Variants in KLHL29 observed in about 807,000 individuals in gnomAD.
KLHL29 encodes kelch like family member 29.
A neutral mutation model predicts 80.4 loss-of-function variants in KLHL29; 21 were observed. The ratio of observed to expected loss-of-function variants is 0.26; its 90% CI spans 0.19 to 0.38. The LOEUF (loss-of-function observed/expected upper bound fraction) is 0.38. Among genes scored for constraint, KLHL29 ranks in the 10% least tolerant of loss-of-function variants. KLHL29 has a pLI of 1.00. For missense variants in KLHL29, 867 were observed against 1,223.9 expected (o/e 0.71, Z 4.35); for synonymous variants, 511 against 526.8 (o/e 0.97, Z 0.41).
intron 3 of KLHL29, among the ~76,000 whole-genome samples, chr2:23,628,055 G>A (rs1401989004): frequency 1.3e-5 from 2 of 151,974 alleles, no homozygotes; most frequent in Non-Finnish European, 2.9e-5. Context: ...TGGGATTACA[G>A]GTGCCTGCCA....
At chr2:23,401,160 G>A (rs1319144357) in intron 1 of KLHL29, among the ~76,000 whole-genome samples, 1 of 152,212 alleles carries the variant, frequency 6.6e-6, no homozygotes, top group African/African-American at 2.4e-5. Context: ...TTGAGAGTGT[G>A]TGGGTGACAA....
intron 5 of KLHL29, among the ~76,000 whole-genome samples, chr2:23,651,750 T>C (rs899483303): frequency 6.6e-6 from 1 of 152,170 alleles, no homozygotes; most frequent in African/African-American, 2.4e-5. Flanking sequence ...AAGTCCAACA[T>C]AAAGGTGCAG....
chr2:23,633,756 C>CTGTGTGT (rs35002083), intron 3 of KLHL29, among the ~76,000 whole-genome samples: 13,859 of 147,120 alleles, frequency 0.094, 792 homozygotes, highest in South Asian at 0.17. Flanking sequence ...TCACAGCACT[C>CTGTGTGT]GTGTGTGTGT....
intron 2 of KLHL29, among the ~76,000 whole-genome samples, chr2:23,553,298 A>G (rs1398713414): frequency 6.6e-6 from 1 of 152,206 alleles, no homozygotes. Context: ...TGGGAGTGGA[A>G]ATGTGGCAAC....
chr2:23,478,079 C>T (rs1255775245), intron 2 of KLHL29, among the ~76,000 whole-genome samples: 1 of 152,094 alleles, frequency 6.6e-6, no homozygotes, highest in Admixed American at 6.5e-5. Context: ...TATCTCTGTG[C>T]CCCCAGACCA....
rs1434383022 is a variant in KLHL29 at position 23,662,174 on chromosome 2, A to G, written c.940+19324A>G. On this transcript the variant is annotated intron_variant, in intron 5 of 13. Coordinates refer to ENST00000486442, the MANE Select transcript of KLHL29 (RefSeq NM_052920.2). The stretch of plus-strand genomic sequence containing the variant: ...GGGCTCCTAGGGGGTCTTTCAGCAA[A>G]AGTAATGCTGAAAAATTTTGACTTA... Among the ~76,000 whole-genome samples the G allele has an allele frequency of 2.6e-5, 4 of 152,254 alleles. No individual in the cohort carries two copies. The East Asian group carries it at 5.8e-4, about 22-fold the overall frequency.
chr2:23,609,106 A>G (rs995078026), intron 3 of KLHL29, among the ~76,000 whole-genome samples: 1 of 152,014 alleles, frequency 6.6e-6, no homozygotes, highest in Non-Finnish European at 1.5e-5. Flanking sequence ...TCATTTAGTC[A>G]CTCATTCATT....
intron 3 of KLHL29, among the ~76,000 whole-genome samples, chr2:23,616,261 C>T (rs1669001743): frequency 6.6e-6 from 1 of 152,178 alleles, no homozygotes; most frequent in Non-Finnish European, 1.5e-5. Context: ...TCATACTCAG[C>T]CTGGGGTTCA....
intron 11 of KLHL29, among the ~76,000 whole-genome samples, chr2:23,698,502 C>T (rs1449019463): frequency 7.9e-5 from 12 of 151,964 alleles, no homozygotes. Flanking sequence ...GGCTTTGTTC[C>T]CCAGGAAGCA....
In KLHL29 at chr2:23,573,398, C is replaced by G. The variant is rs13432128; in HGVS notation, c.285+10917C>G. On this transcript the variant is annotated intron_variant, in intron 3 of 13. Coordinates refer to ENST00000486442, the MANE Select transcript of KLHL29 (RefSeq NM_052920.2). ...CTCTCCGAGTAATTATTATTAGCAC[C>G]ACTTCAGAGATGAGAAAGACTAAGG... Among the ~76,000 whole-genome samples, 623 of 152,216 alleles carry G rather than the reference C, an allele frequency of 4.1e-3. 4 individuals are homozygous for G. The highest frequency in any genetic ancestry group is 0.014 in the African/African-American group (599 of 41,500).
chr2:23,410,488 A>G (rs1452635240), intron 1 of KLHL29, among the ~76,000 whole-genome samples: 1 of 151,318 alleles, frequency 6.6e-6, no homozygotes, highest in Non-Finnish European at 1.5e-5. Flanking sequence ...GGGTGTGAGG[A>G]CTCCTGAGGC....
chr2:23,627,347 T>C (rs1046075837), intron 3 of KLHL29, among the ~76,000 whole-genome samples: 1 of 152,212 alleles, frequency 6.6e-6, no homozygotes, highest in African/African-American at 2.4e-5. Context: ...GTGGCTCTCA[T>C]TACAGACAGC....
At chr2:23,703,445 T>C (rs1672518037) in intron 12 of KLHL29, 66 bp downstream of exon 12, 3 of 1,335,630 alleles carry the variant, frequency 2.2e-6, no homozygotes, top group Non-Finnish European at 3.0e-6. Context: ...ATTTGTTCAG[T>C]ATCCCATGCC....
intron 2 of KLHL29, among the ~76,000 whole-genome samples, chr2:23,476,089 G>A (rs916448744): frequency 6.6e-6 from 1 of 152,010 alleles, no homozygotes; most frequent in African/African-American, 2.4e-5. Flanking sequence ...TGGCCAGGCT[G>A]GTCTCCAACT....
At chr2:23,584,033 A>T (rs1441173436) in intron 3 of KLHL29, among the ~76,000 whole-genome samples, 1 of 152,164 alleles carries the variant, frequency 6.6e-6, no homozygotes, top group Non-Finnish European at 1.5e-5. Context: ...GGTTCCAGTG[A>T]TCCACGGTGG....
intron 1 of KLHL29, among the ~76,000 whole-genome samples, chr2:23,423,279 G>A (rs1662880799): frequency 1.3e-5 from 2 of 152,214 alleles, no homozygotes; most frequent in African/African-American, 4.8e-5. Flanking sequence ...GGCCACCAGA[G>A]GCGTCTGCTG....
intron 2 of KLHL29, among the ~76,000 whole-genome samples, chr2:23,509,591 C>T (rs1485405626): frequency 6.6e-6 from 1 of 152,082 alleles, no homozygotes; most frequent in Non-Finnish European, 1.5e-5. Flanking sequence ...AATGCAAAAA[C>T]AGTCTTATAT....
In KLHL29 at chr2:23,520,992, A is replaced by ACCGC. The variant is rs1485391256; in HGVS notation, c.-45-41158_-45-41157insGCCC. 3.3e-3 allele frequency among the ~76,000 whole-genome samples: 297 copies of ACCGC among 91,228 alleles called. 3 individuals are homozygous for ACCGC. Among genetic ancestry groups the ACCGC allele is most frequent in the Non-Finnish European group, 5.0e-3 (200 of 39,878 alleles). 59.8% of individuals were successfully genotyped at this position (91,228 alleles called of 152,430 possible). On this transcript the variant is annotated intron_variant, in intron 2 of 13. Transcript: ENST00000486442. The stretch of plus-strand genomic sequence containing the variant: ...TTACTGCTTTCATTTTACAAAGACC[A>ACCGC]CCCCCCCCCCCGCTCCCCCTCAGGG...
At chr2:23,676,482 G>A (rs956735328) in intron 5 of KLHL29, among the ~76,000 whole-genome samples, 5 of 152,186 alleles carry the variant, frequency 3.3e-5, no homozygotes, top group Non-Finnish European at 5.9e-5. Context: ...GCACCTGGCC[G>A]AGGATGGGAT....
Sources: gnomAD v4.1 joint callset for allele counts (sites outside exome capture counted in the v4.1 genomes callset) on GRCh38, gnomAD v4.1.1 for gene constraint, MANE v1.5 for transcripts, NCBI Gene and HGNC (gene_info 2026-07-23, HGNC 2026-07-21) for gene names.